SP100: variants seen among roughly 807,000 people sequenced by gnomAD.
SP100 encodes nuclear autoantigen Sp-100.
Under a neutral mutation model 130.0 loss-of-function variants are expected in SP100, and 84 were observed. The observed-to-expected ratio is 0.65, with a 90% confidence interval of 0.54 to 0.77. The LOEUF (loss-of-function observed/expected upper bound fraction) is 0.77, where lower values mean the gene tolerates loss of function less well. Among genes scored for constraint, SP100 ranks in the 30% least tolerant of loss-of-function variants. The pLI, the probability that SP100 is intolerant of heterozygous loss-of-function variation, is 0.00. For missense variants in SP100, 978 were observed against 1,052.2 expected (o/e 0.93, Z 0.97); for synonymous variants, 331 against 351.7 (o/e 0.94, Z 0.66).
At position 230,462,535 on chromosome 2, in the gene SP100, G is replaced by T; in HGVS notation, c.1057+17G>T. The T allele has an allele frequency of 6.3e-7, 1 of 1,589,562 alleles. No homozygotes were observed. The highest frequency in any genetic ancestry group is 1.1e-5 in the South Asian group (1 of 90,472). ...GTGAGCCTGGTAAGGAAGTTTGGGA[G>T]AGCAAGGCTTGGGCTGTGGGAATCT... On this transcript the variant is annotated intron_variant, in intron 10 of 28. Coordinates refer to ENST00000340126, the MANE Select transcript of SP100 (RefSeq NM_001080391.2).
At chr2:230,541,238 C>A in intron 26 of SP100, 63 bp from the exon 27 acceptor site, 2 of 1,476,504 alleles carry the variant, frequency 1.4e-6, no homozygotes, top group Non-Finnish European at 1.9e-6. Flanking sequence ...TCTCTTTGGG[C>A]AAGCATATGA....
chr2:230,442,537 C>T (rs1405299712), intron 2 of SP100, among the ~76,000 whole-genome samples: 1 of 152,076 alleles, frequency 6.6e-6, no homozygotes, highest in African/African-American at 2.4e-5. Flanking sequence ...TGTTTTCTCT[C>T]AGTTGATTAA....
chr2:230,463,307 A>T (rs10211069), intron 10 of SP100, among the ~76,000 whole-genome samples: 1 of 152,230 alleles, frequency 6.6e-6, no homozygotes, highest in Non-Finnish European at 1.5e-5. Flanking sequence ...TATTATCTCA[A>T]TCCTATTTGC....
chr2:230,469,860 G>A (rs1338731355), intron 14 of SP100, 155 bp from the exon 15 acceptor site: 4 of 1,510,954 alleles, frequency 2.6e-6, no homozygotes, highest in Middle Eastern at 1.7e-4. Context: ...TTGACCAACA[G>A]GTCAGATGAT....
intron 8 of SP100, among the ~76,000 whole-genome samples, chr2:230,457,196 A>G (rs1575645780): frequency 6.6e-6 from 1 of 152,062 alleles, no homozygotes. Context: ...TGCTGGGGGA[A>G]ACCTTGAGCC....
intron 11 of SP100, among the ~76,000 whole-genome samples, chr2:230,465,153 T>A (rs1271177224): frequency 6.6e-6 from 1 of 152,098 alleles, no homozygotes; most frequent in African/African-American, 2.4e-5. Context: ...AAAGAATCAC[T>A]TGAACCCAGG....
In SP100 at chr2:230,417,626, A is replaced by T; in HGVS notation, c.68A>T (p.Glu23Val). 1 of 1,613,390 alleles carries T rather than the reference A, an allele frequency of 6.2e-7. No individual in the cohort carries two copies. The highest frequency in any genetic ancestry group is 1.1e-5 in the South Asian group (1 of 90,912). Residue 23 changes from glutamate (E) to valine (V), a missense_variant, in exon 2 of 29, where the codon GAG (glutamate) becomes GTG (valine). Coordinates refer to ENST00000340126, the MANE Select transcript of SP100 (RefSeq NM_001080391.2). ...LNECISPVANEMNHLPAHSHD... is the reference protein window; with the variant it reads ...LNECISPVANVMNHLPAHSHD... ...GAATGTATTTCACCAGTAGCAAATG[A>T]GATGAACCATCTTCCTGCACACAGC...
intron 16 of SP100, among the ~76,000 whole-genome samples, 171 bp from the exon 17 acceptor site, chr2:230,474,223 C>T (rs1432657975): frequency 3.3e-5 from 5 of 152,146 alleles, no homozygotes; most frequent in Non-Finnish European, 5.9e-5. Flanking sequence ...GAGAACTAGA[C>T]GAAGACCTTA....
chr2:230,465,041 T>G (rs899607239), intron 11 of SP100, among the ~76,000 whole-genome samples: 16 of 151,982 alleles, frequency 1.1e-4, no homozygotes, highest in Admixed American at 5.9e-4. Context: ...TTCGAGACCA[T>G]CCTGGCCAAT....
At chr2:230,456,819 T>C (rs1323785619) in intron 8 of SP100, among the ~76,000 whole-genome samples, 1 of 152,248 alleles carries the variant, frequency 6.6e-6, no homozygotes, top group Non-Finnish European at 1.5e-5. Flanking sequence ...GTCTCCCTAA[T>C]TTTAGTGAAT....
chr2:230,497,951 A>T (rs2066789497), intron 18 of SP100, among the ~76,000 whole-genome samples: 1 of 152,212 alleles, frequency 6.6e-6, no homozygotes, highest in African/African-American at 2.4e-5. Flanking sequence ...AATGAGCAGG[A>T]CAATCCAAAT....
intron 17 of SP100, among the ~76,000 whole-genome samples, chr2:230,488,130 A>C (rs1233807276): frequency 6.6e-6 from 1 of 152,168 alleles, no homozygotes; most frequent in Admixed American, 6.5e-5. Flanking sequence ...GTCATCTGCA[A>C]GTACAGACAA....
rs1383030650 is a variant in SP100 at position 230,544,346 on chromosome 2, A to G, written c.*1400A>G. The stretch of plus-strand genomic sequence containing the variant: ...GCAAAAGAAACAATCAACAGAGTAA[A>G]CAGACAACCTACAAAATGGGAGAAA... On this transcript the variant is annotated 3_prime_UTR_variant, in exon 29 of 29. Coordinates refer to ENST00000340126, the MANE Select transcript of SP100 (RefSeq NM_001080391.2). 1.3e-5 allele frequency among the ~76,000 whole-genome samples: 2 copies of G among 152,248 alleles called. No individual in the cohort carries two copies. The highest frequency in any genetic ancestry group is 2.9e-5 in the Non-Finnish European group (2 of 68,050).
intron 2 of SP100, among the ~76,000 whole-genome samples, chr2:230,437,581 G>A (rs550005390): frequency 7.9e-5 from 12 of 151,778 alleles, no homozygotes; most frequent in African/African-American, 2.9e-4. Flanking sequence ...TGTTGTTGTT[G>A]TTGTTTGGGA....
chr2:230,446,733 C>A, intron 4 of SP100, 86 bp from the exon 5 acceptor site: 1 of 826,792 alleles, frequency 1.2e-6, no homozygotes, highest in South Asian at 1.6e-5. Context: ...CACCCAAGGG[C>A]TGGAAATTCC....
At position 230,426,669 on chromosome 2, in the gene SP100, T is replaced by C. The variant is rs139726987; in HGVS notation, c.107+9004T>C. Among the ~76,000 whole-genome samples the C allele has an allele frequency of 4.3e-4, 66 of 152,340 alleles. No individual in the cohort carries two copies. In the East Asian group the frequency reaches 0.012, roughly 28 times the overall value. On this transcript the variant is annotated intron_variant, in intron 2 of 28. Coordinates refer to ENST00000340126, the MANE Select transcript of SP100 (RefSeq NM_001080391.2). ...AAGACTTCTTTTGTGGCCTAACATATGATTTTTTTCCTGGAGAATGTTTCA... is the reference window on the plus strand; with the variant it reads ...AAGACTTCTTTTGTGGCCTAACATACGATTTTTTTCCTGGAGAATGTTTCA...
chr2:230,490,978 T>C (rs1314260983), intron 17 of SP100, among the ~76,000 whole-genome samples: 1 of 152,186 alleles, frequency 6.6e-6, no homozygotes, highest in Non-Finnish European at 1.5e-5. Flanking sequence ...TTGGAGTATC[T>C]AGATGGTGTT....
chr2:230,416,834 T>C, intron 1 of SP100: 2 of 985,582 alleles, frequency 2.0e-6, no homozygotes, highest in Non-Finnish European at 2.4e-6. Flanking sequence ...TGAGTTCTTA[T>C]TCCATCAACC....
At chr2:230,531,401 C>G (rs1691694774) in intron 24 of SP100, among the ~76,000 whole-genome samples, 1 of 150,870 alleles carries the variant, frequency 6.6e-6, no homozygotes, top group African/African-American at 2.4e-5. Context: ...GGGAACATCA[C>G]ACACCGGGGC....
Sources: gnomAD v4.1 joint callset for allele counts (sites outside exome capture counted in the v4.1 genomes callset) on GRCh38, gnomAD v4.1.1 for gene constraint, MANE v1.5 for transcripts, NCBI Gene and HGNC (gene_info 2026-07-23, HGNC 2026-07-21) for gene names.